NPAS3: variants seen among roughly 807,000 people sequenced by gnomAD.
NPAS3 encodes the protein neuronal PAS domain-containing protein 3.
In NPAS3, 14 loss-of-function variants were observed where a neutral mutation model predicts 73.1. The observed-to-expected ratio is 0.19, with a 90% confidence interval of 0.13 to 0.30. The LOEUF (loss-of-function observed/expected upper bound fraction) is 0.30, where lower values mean the gene tolerates loss of function less well. NPAS3 is among the 10% of genes least tolerant of loss of function. NPAS3 has a pLI of 1.00. For synonymous variants in NPAS3, 620 were observed against 541.5 expected, an observed-to-expected ratio of 1.14 and a Z score of -2.01; for missense variants, 1,096 against 1,250.0, an observed-to-expected ratio of 0.88 and a Z score of 1.86.
chr14:33,161,873 C>G (rs186286181), intron 2 of NPAS3, among the ~76,000 whole-genome samples: 22 of 152,050 alleles, frequency 1.4e-4, no homozygotes, highest in Non-Finnish European at 2.4e-4. Flanking sequence ...ATACATAAGA[C>G]GTGGGAAATA....
chr14:33,413,550 G>A (rs1023007327), intron 4 of NPAS3, among the ~76,000 whole-genome samples: 1 of 152,138 alleles, frequency 6.6e-6, no homozygotes, highest in African/African-American at 2.4e-5. Context: ...TGGGGCATCG[G>A]AAGCTGAGGA....
At chr14:33,462,028 A>T (rs188574978) in intron 4 of NPAS3, among the ~76,000 whole-genome samples, 18 of 152,306 alleles carry the variant, frequency 1.2e-4, no homozygotes, top group Non-Finnish European at 2.4e-4. Context: ...AGCCACAGAT[A>T]ATGGCAACTC....
At chr14:33,278,843 G>A (rs958522616) in intron 3 of NPAS3, among the ~76,000 whole-genome samples, 7 of 152,136 alleles carry the variant, frequency 4.6e-5, no homozygotes, top group South Asian at 2.1e-4. Context: ...GAAGCTCTAC[G>A]TAAAATTTTA....
intron 2 of NPAS3, among the ~76,000 whole-genome samples, chr14:33,133,194 T>C (rs2043704222): frequency 6.6e-6 from 1 of 152,110 alleles, no homozygotes; most frequent in South Asian, 2.1e-4. Context: ...CCAACAAATA[T>C]ATAATAAATT....
At chr14:33,308,636 A>G (rs982690389) in intron 3 of NPAS3, among the ~76,000 whole-genome samples, 4 of 151,122 alleles carry the variant, frequency 2.6e-5, no homozygotes, top group Non-Finnish European at 5.9e-5. Context: ...TCAGGGATAT[A>G]TATTTTATTT....
chr14:32,945,903 G>A (rs961990392), intron 1 of NPAS3, among the ~76,000 whole-genome samples: 3 of 152,118 alleles, frequency 2.0e-5, no homozygotes, highest in Admixed American at 6.5e-5. Context: ...AGTTTGCCAC[G>A]TACATCTGCC....
At chr14:32,978,683 C>T (rs970907561) in intron 1 of NPAS3, among the ~76,000 whole-genome samples, 1 of 152,076 alleles carries the variant, frequency 6.6e-6, no homozygotes, top group Non-Finnish European at 1.5e-5. Flanking sequence ...TGTTTTCAGT[C>T]CTTTGATCCA....
intron 2 of NPAS3, among the ~76,000 whole-genome samples, chr14:33,207,925 C>T (rs897043975): frequency 3.9e-5 from 6 of 152,034 alleles, no homozygotes; most frequent in African/African-American, 1.4e-4. Flanking sequence ...TTACTTCATT[C>T]CTAAATGATA....
intron 1 of NPAS3, among the ~76,000 whole-genome samples, chr14:33,004,540 G>A (rs1021786898): frequency 1.3e-5 from 2 of 152,128 alleles, no homozygotes; most frequent in Non-Finnish European, 2.9e-5. Flanking sequence ...AGTGAGTGGT[G>A]AGTGAATGTG....
At chr14:33,302,136 A>G (rs1758178004) in intron 3 of NPAS3, among the ~76,000 whole-genome samples, 1 of 152,224 alleles carries the variant, frequency 6.6e-6, no homozygotes, top group Non-Finnish European at 1.5e-5. Flanking sequence ...ATTAATGAAC[A>G]AATTAATAAA....
intron 5 of NPAS3, among the ~76,000 whole-genome samples, chr14:33,601,107 T>C (rs1409748731): frequency 6.6e-6 from 1 of 152,198 alleles, no homozygotes; most frequent in Non-Finnish European, 1.5e-5. Flanking sequence ...TTCCTTACTA[T>C]GCAGATCTGG....
chr14:32,994,611 G>GTTTTTT (rs1197652527), intron 1 of NPAS3, among the ~76,000 whole-genome samples: 1 of 129,712 alleles, frequency 7.7e-6, no homozygotes, highest in African/African-American at 3.1e-5. Flanking sequence ...CGCCATTCTA[G>GTTTTTT]TTTTTTGTTT....
chr14:33,451,654 C>G (rs115301295), intron 4 of NPAS3, among the ~76,000 whole-genome samples: 1 of 151,884 alleles, frequency 6.6e-6, no homozygotes, highest in Non-Finnish European at 1.5e-5. Context: ...GTTATGGTTT[C>G]TTTAGGTTCA....
chr14:33,367,227 A>G (rs764764450), exon 4 of NPAS3: 2 of 868,644 alleles, frequency 2.3e-6, no homozygotes, highest in Admixed American at 3.4e-5. Flanking sequence ...TGCACTAGCC[A>G]TTGAAGTATT....
At chr14:33,680,696 A>T in intron 6 of NPAS3, 1 of 699,130 alleles carries the variant, frequency 1.4e-6, no homozygotes. Flanking sequence ...GAACTCAGCC[A>T]GGGCAAGGGG....
intron 1 of NPAS3, among the ~76,000 whole-genome samples, chr14:32,983,868 T>C (rs1173628176): frequency 6.6e-6 from 1 of 152,096 alleles, no homozygotes; most frequent in Non-Finnish European, 1.5e-5. Flanking sequence ...ACTACAGGCA[T>C]GTGCCACCAA....
At chr14:33,223,898 TAAGAC>T (rs1213352004) in intron 3 of NPAS3, among the ~76,000 whole-genome samples, 1 of 152,022 alleles carries the variant, frequency 6.6e-6, no homozygotes, top group Non-Finnish European at 1.5e-5. Context: ...TCATTATAAA[TAAGAC>T]AGGAGAGTAA....
At chr14:32,989,671 A>G (rs1167546335) in intron 1 of NPAS3, among the ~76,000 whole-genome samples, 1 of 145,446 alleles carries the variant, frequency 6.9e-6, no homozygotes. Context: ...CAACAACAAC[A>G]AAACAAAACA....
At chr14:33,648,456 C>A (rs1187669301) in intron 5 of NPAS3, among the ~76,000 whole-genome samples, 1 of 152,130 alleles carries the variant, frequency 6.6e-6, no homozygotes, top group African/African-American at 2.4e-5. Context: ...TCACAGAAAA[C>A]TTGTTTAACA....
Sources: allele counts gnomAD v4.1 joint callset (sites outside exome capture counted in the v4.1 genomes callset), GRCh38; gene constraint gnomAD v4.1.1; transcripts MANE v1.5; gene names NCBI Gene and HGNC (gene_info 2026-07-23, HGNC 2026-07-21).